The following ALMS1 variants were observed in gnomAD, a reference collection of about 807,000 sequenced individuals.
The protein encoded by ALMS1 is centrosome-associated protein ALMS1.
Under a neutral mutation model 352.2 loss-of-function variants are expected in ALMS1, and 271 were observed. The ratio of observed to expected loss-of-function variants is 0.77; its 90% confidence interval spans 0.70 to 0.85. ALMS1 has a LOEUF of 0.85. ALMS1 is among the 40% of genes least tolerant of loss of function. ALMS1 has a pLI of 0.00. For missense variants in ALMS1, 5,445 were observed against 4,870.7 expected, an observed-to-expected ratio of 1.12 and a Z score of -3.51; for synonymous variants, 1,865 against 1,761.2, an observed-to-expected ratio of 1.06 and a Z score of -1.48.
intron 13 of ALMS1, among the ~76,000 whole-genome samples, chr2:73,552,610 A>G (rs912330130): frequency 6.6e-6 from 1 of 152,226 alleles, no homozygotes; most frequent in Non-Finnish European, 1.5e-5. Context: ...GAGGACCTCT[A>G]CAATCTCCCA....
At chr2:73,534,072 AT>A (rs1004408130) in intron 11 of ALMS1, among the ~76,000 whole-genome samples, 3 of 152,190 alleles carry the variant, frequency 2.0e-5, no homozygotes, top group Non-Finnish European at 4.4e-5. Context: ...AACCATAAAA[AT>A]GTGAAGAATA....
chr2:73,526,960 T>C (rs1673804283), intron 11 of ALMS1, among the ~76,000 whole-genome samples: 1 of 152,182 alleles, frequency 6.6e-6, no homozygotes, highest in African/African-American at 2.4e-5. Context: ...TACCTAGTTT[T>C]TTCAGGGTTT....
At position 73,490,763 on chromosome 2, in the gene ALMS1, C is replaced by T; in HGVS notation, c.8804C>T (p.Ala2935Val). 1 of 1,614,102 alleles carries T rather than the reference C, an allele frequency of 6.2e-7. No individual in the cohort carries two copies. ...EQRELFEQCK[A>V]PYVDHQMREN... The stretch of plus-strand genomic sequence containing the variant: ...CGAGAACTCTTTGAACAGTGCAAAG[C>T]CCCATATGTAGATCATCAAATGAGA... The change falls in exon 10 of 23, where the codon GCC becomes GTC. Residue 2935 changes from alanine to valine, a missense_variant. Transcript: ENST00000613296.
At chr2:73,416,596 A>G (rs1380662274) in intron 2 of ALMS1, among the ~76,000 whole-genome samples, 1 of 152,214 alleles carries the variant, frequency 6.6e-6, no homozygotes, top group African/African-American at 2.4e-5. Flanking sequence ...AAATTGTAAT[A>G]CATCTTCTTT....
rs747789748 is a variant in ALMS1, at chr2:73,600,850, G to T, written c.11841G>T (p.Lys3947Asn). The T allele has an allele frequency of 6.2e-7, 1 of 1,613,922 alleles. No homozygotes were observed. ...TTACCGGTTATCCTGAGGACAGAAA[G>T]TTAAAAAAGAACAAGAAGAATTCCC... The part of the protein sequence containing the change: ...MLFTGYPEDR[K>N]LKKNKKNSHE... The change falls in exon 18 of 23, where the codon AAG becomes AAT. Residue 3947 changes from lysine (K) to asparagine (N), a missense_variant. By Grantham distance (94) the Lys-to-Asn change is moderately conservative. Coordinates refer to ENST00000613296, the MANE Select transcript of ALMS1 (RefSeq NM_001378454.1).
intron 1 of ALMS1, among the ~76,000 whole-genome samples, chr2:73,394,634 G>A (rs575267165): frequency 6.6e-6 from 1 of 152,206 alleles, no homozygotes; most frequent in South Asian, 2.1e-4. Context: ...GCAGGCGTGA[G>A]CCACCGTGCC....
chr2:73,559,194 G>T (rs1424633232), intron 15 of ALMS1, 52 bp downstream of exon 15: 1 of 1,578,552 alleles, frequency 6.3e-7, no homozygotes, highest in Non-Finnish European at 8.6e-7. Flanking sequence ...TGTATGTGAG[G>T]GTCAGTGTTA....
At chr2:73,531,447 A>C (rs1026620378) in intron 11 of ALMS1, among the ~76,000 whole-genome samples, 1 of 152,174 alleles carries the variant, frequency 6.6e-6, no homozygotes, top group Non-Finnish European at 1.5e-5. Flanking sequence ...ATCTGAGACT[A>C]CCTCAACCTG....
At chr2:73,446,862 A>C (rs1671819672) in intron 7 of ALMS1, among the ~76,000 whole-genome samples, 1 of 152,188 alleles carries the variant, frequency 6.6e-6, no homozygotes, top group South Asian at 2.1e-4. Context: ...CTGCAAGTTA[A>C]CAAGATCCCA....
rs1436323231 is a variant in ALMS1, at chr2:73,453,058, A to G, written c.6531A>G (p.Gln2177=). Residue 2177 remains glutamine (Q), a synonymous_variant, in exon 8 of 23, where the codon CAA becomes CAG. Coordinates refer to ENST00000613296, the MANE Select transcript of ALMS1 (RefSeq NM_001378454.1). ...KISSALGQAD[Q]ITGLQTVPSG... ...CAAGTGCTCTTGGGCAAGCTGATCA[A>G]ATTACCGGATTACAAACAGTTCCCT... 2 of 1,613,938 alleles carry G rather than the reference A, an allele frequency of 1.2e-6. No individual in the cohort carries two copies. The highest frequency in any genetic ancestry group is 3.3e-5 in the Admixed American group (2 of 60,002).
intron 16 of ALMS1, among the ~76,000 whole-genome samples, chr2:73,580,857 A>G (rs926152965): frequency 2.6e-5 from 4 of 152,182 alleles, no homozygotes; most frequent in Non-Finnish European, 4.4e-5. Flanking sequence ...TACTTGTTTG[A>G]TAGAGATTTT....
chr2:73,585,363 G>A (rs1459518023), intron 16 of ALMS1, among the ~76,000 whole-genome samples: 1 of 147,212 alleles, frequency 6.8e-6, no homozygotes, highest in Non-Finnish European at 1.5e-5. Flanking sequence ...GTTTTAATTT[G>A]CATTTCCCTT....
In ALMS1 at chr2:73,424,740, A is replaced by G; in HGVS notation, c.1075A>G (p.Asn359Asp). 1 of 1,614,110 alleles carries G rather than the reference A, an allele frequency of 6.2e-7. No homozygotes were observed. Among genetic ancestry groups the G allele is most frequent in the Non-Finnish European group, 8.5e-7 (1 of 1,179,996 alleles). ...ACGAAAAGATACACAGTGGCCTGAA[A>G]ACAATTTAGCTGATAAAGATCAAGT... ...KTRKDTQWPE[N>D]NLADKDQVSV... Residue 359 changes from asparagine to aspartate, a missense_variant, in exon 5 of 23, where the codon AAC becomes GAC. Physicochemically the swap from Asn to Asp is conservative, Grantham distance 23. Coordinates refer to ENST00000613296, the MANE Select transcript of ALMS1 (RefSeq NM_001378454.1).
intron 16 of ALMS1, among the ~76,000 whole-genome samples, chr2:73,581,135 T>C (rs1199502894): frequency 6.6e-6 from 1 of 152,246 alleles, no homozygotes; most frequent in Admixed American, 6.5e-5. Context: ...CAAGCCCTTA[T>C]GCCCCAAAGA....
Position 73,453,254 on chromosome 2 carries a change from G to A in ALMS1, c.6727G>A (p.Asp2243Asn). ...INKPESAGFR[D>N]VGSEEIQDAE... is the part of the protein sequence containing the mutation. ...TAAACCAGAATCTGCAGGTTTTAGA[G>A]ATGTTGGCTCTGAAGAAATCCAGGA... is the stretch of plus-strand genomic sequence containing the variant. The change falls in exon 8 of 23, where the codon GAT (aspartate) becomes AAT (asparagine). Residue 2243 changes from aspartate to asparagine, a missense_variant. Coordinates refer to ENST00000613296, the MANE Select transcript of ALMS1 (RefSeq NM_001378454.1). The A allele has an allele frequency of 6.2e-7, 1 of 1,614,036 alleles. No homozygotes were observed. Among genetic ancestry groups the A allele is most frequent in the East Asian group, 2.2e-5 (1 of 44,872 alleles).
At chr2:73,432,406 A>T (rs753930930) in intron 7 of ALMS1, 115 bp downstream of exon 7, 9 of 710,714 alleles carry the variant, frequency 1.3e-5, no homozygotes, top group Non-Finnish European at 2.2e-5. Context: ...TATACTTCAG[A>T]TTAGATGTGT....
Position 73,453,454 on chromosome 2 carries a change from G to GGGT in ALMS1, c.6929_6931dup (p.Gly2310dup). 5.0e-6 allele frequency: 8 copies of GGGT among 1,612,846 alleles called. No homozygotes were observed. Among genetic ancestry groups the GGGT allele is most frequent in the Non-Finnish European group, 6.8e-6 (8 of 1,179,460 alleles). On this transcript the variant is annotated inframe_insertion, in exon 8 of 23. Coordinates refer to ENST00000613296, the MANE Select transcript of ALMS1 (RefSeq NM_001378454.1). Reference sequence around the variant, plus strand: ...TTTGCTTCAAAGAACCCTCTTCCACGGGTGTATCTAATGGTGATTTGCTTC... The same window carrying GGGT: ...TTTGCTTCAAAGAACCCTCTTCCACGGGTGGTGTATCTAATGGTGATTTGCTTC...
At chr2:73,390,884 C>A (rs1206255215) in intron 1 of ALMS1, among the ~76,000 whole-genome samples, 1 of 152,058 alleles carries the variant, frequency 6.6e-6, no homozygotes, top group African/African-American at 2.4e-5. Flanking sequence ...GATTCTCCTG[C>A]CTCAGCCTCC....
intron 16 of ALMS1, among the ~76,000 whole-genome samples, chr2:73,592,342 A>G (rs1675450980): frequency 6.6e-6 from 1 of 152,228 alleles, no homozygotes; most frequent in Non-Finnish European, 1.5e-5. Flanking sequence ...AATGTATGTC[A>G]CAGCATTATT....
Sources: gnomAD v4.1 joint callset for allele counts (sites outside exome capture counted in the v4.1 genomes callset) on GRCh38, gnomAD v4.1.1 for gene constraint, MANE v1.5 for transcripts, NCBI Gene and HGNC (gene_info 2026-07-23, HGNC 2026-07-21) for gene names.